Variants in ANKS6 observed in about 807,000 individuals in gnomAD.
The protein encoded by ANKS6 is ankyrin repeat and sterile alpha motif domain containing 6, also known as ankyrin repeat and SAM domain-containing protein 6.
Under a neutral mutation model 77.9 loss-of-function variants are expected in ANKS6, and 47 were observed. That is an observed-to-expected ratio of 0.60 (90% CI 0.48 to 0.77). ANKS6 has a LOEUF of 0.77. Among genes scored for constraint, ANKS6 ranks in the 30% least tolerant of loss-of-function variants. The probability of loss-of-function intolerance (pLI) is 0.00; values close to 1 mark genes in which losing one functional copy is unlikely to be tolerated. For synonymous variants in ANKS6, 488 were observed against 501.7 expected, an observed-to-expected ratio of 0.97 and a Z score of 0.37; for missense variants, 1,150 against 1,159.1, an observed-to-expected ratio of 0.99 and a Z score of 0.11.
chr9:98,742,450 A>C (rs1187119405), intron 14 of ANKS6, among the ~76,000 whole-genome samples: 2 of 152,158 alleles, frequency 1.3e-5, no homozygotes, highest in African/African-American at 4.8e-5. Context: ...CAGAAGTTAA[A>C]TTTGCTTTTG....
intron 12 of ANKS6, 60 bp downstream of exon 12, chr9:98,756,360 T>C: frequency 1.3e-6 from 2 of 1,563,304 alleles, no homozygotes; most frequent in African/African-American, 2.7e-5. Flanking sequence ...TGCAGTTCCT[T>C]GCTGCCAGGT....
In ANKS6 at chr9:98,741,551, C is replaced by T. The variant is rs1026018852; in HGVS notation, c.2511+4008G>A. Among the ~76,000 whole-genome samples, 26 of 152,224 alleles carry T rather than the reference C, an allele frequency of 1.7e-4. 1 individual carries two copies. The highest frequency in any genetic ancestry group is 5.9e-5 in the Non-Finnish European group (4 of 68,034). On this transcript the variant is annotated intron_variant, in intron 14 of 14. Coordinates refer to ENST00000353234, the MANE Select transcript of ANKS6 (RefSeq NM_173551.5). ...AAAAATTCTTTTCACCATTTTGGTA[C>T]TGTGTAAATTTAATAAAATCAATAT...
intron 13 of ANKS6, among the ~76,000 whole-genome samples, chr9:98,748,723 A>C (rs1489976061): frequency 6.6e-6 from 1 of 152,196 alleles, no homozygotes. Context: ...ACTCATCTCC[A>C]AACTTTTTGT....
rs113644258 is a variant in ANKS6, at chr9:98,771,407, G to A, written c.1822-361C>T. Among the ~76,000 whole-genome samples, 9 of 152,258 alleles carry A rather than the reference G, an allele frequency of 5.9e-5. No homozygotes were observed. The East Asian group carries it at 7.7e-4, about 13-fold the overall frequency. On this transcript the variant is annotated intron_variant, in intron 9 of 14. Coordinates refer to ENST00000353234, the MANE Select transcript of ANKS6 (RefSeq NM_173551.5). ...AAAATCCAGCCCCCTCAGCACCGCC[G>A]GGCACAGTGACCAGCACCCCAGCTC...
chr9:98,768,828 G>C (rs541946653), intron 10 of ANKS6, among the ~76,000 whole-genome samples: 1 of 152,198 alleles, frequency 6.6e-6, no homozygotes, highest in East Asian at 1.9e-4. Context: ...TGGTAACCTT[G>C]AACTATTATA....
intron 2 of ANKS6, among the ~76,000 whole-genome samples, chr9:98,788,680 T>C (rs995960030): frequency 1.3e-5 from 2 of 152,210 alleles, no homozygotes; most frequent in African/African-American, 2.4e-5. Flanking sequence ...ATTGTGTCCA[T>C]TTCACAGATG....
rs769081349 is a variant in ANKS6, at chr9:98,774,110, G to A, written c.1618-30C>T. On this transcript the variant is annotated intron_variant, in intron 8 of 14. Transcript: ENST00000353234. ...AAAAGACAGGCTGAGGGTTAGACAA[G>A]CCCCCAGGAGGGCTCCCAACTCTGC... 8 of 1,408,900 alleles carry A rather than the reference G, an allele frequency of 5.7e-6. No homozygotes were observed. In the East Asian group the frequency reaches 2.1e-4, roughly 38 times the overall value. The allele number at this position is 1,408,900 out of a possible 1,614,324, so 87.3% of individuals were successfully genotyped here.
chr9:98,765,299 C>T (rs1833212418), intron 11 of ANKS6, among the ~76,000 whole-genome samples: 1 of 152,198 alleles, frequency 6.6e-6, no homozygotes, highest in African/African-American at 2.4e-5. Flanking sequence ...ATTTGGGATT[C>T]TGTGAAATAT....
rs1033362920 is a variant in ANKS6 at position 98,796,390 on chromosome 9, C to T, written c.102G>A (p.Ala34=). The T allele has an allele frequency of 5.0e-6, 5 of 1,002,616 alleles. No homozygotes were observed. Among genetic ancestry groups the T allele is most frequent in the East Asian group, 1.0e-4 (1 of 9,620 alleles). 62.1% of individuals were successfully genotyped at this position (1,002,616 alleles called of 1,614,324 possible). ...TARRLLEPGA[A]EPAERGAEPE... ...GCTCCGCGCCGCGCTCGGCTGGCTC[C>T]GCCGCCCCCGGCTCCAGCAGCCGCC... Residue 34 remains alanine (A), a synonymous_variant, in exon 1 of 15, where the codon GCG becomes GCA. Coordinates refer to ENST00000353234, the MANE Select transcript of ANKS6 (RefSeq NM_173551.5).
rs1052820893 is a variant in ANKS6, at chr9:98,733,722, T to C, written c.*2797A>G. 1 of 985,496 alleles carries C rather than the reference T, an allele frequency of 1.0e-6. No individual in the cohort carries two copies. The highest frequency in any genetic ancestry group is 1.2e-6 in the Non-Finnish European group (1 of 829,968). The allele number at this position is 985,496 out of a possible 1,614,324, so 61.0% of individuals were successfully genotyped here. On this transcript the variant is annotated 3_prime_UTR_variant, in exon 15 of 15. Coordinates refer to ENST00000353234, the MANE Select transcript of ANKS6 (RefSeq NM_173551.5). ...TGAAGAGGCCTGACCCATGCTGGCATGCTGAAGGTTGTGAGAGGCCTGTAG... is the reference window on the plus strand; with the variant it reads ...TGAAGAGGCCTGACCCATGCTGGCACGCTGAAGGTTGTGAGAGGCCTGTAG...
chr9:98,785,893 C>G (rs985839204), intron 2 of ANKS6, among the ~76,000 whole-genome samples: 7 of 152,184 alleles, frequency 4.6e-5, no homozygotes, highest in South Asian at 4.1e-4. Flanking sequence ...TAGCATCCCT[C>G]TCACCTGGCT....
intron 14 of ANKS6, among the ~76,000 whole-genome samples, chr9:98,740,037 T>A (rs1459714337): frequency 1.3e-5 from 2 of 152,114 alleles, no homozygotes; most frequent in Admixed American, 1.3e-4. Flanking sequence ...AACATATTTT[T>A]AAAAATTAAT....
intron 2 of ANKS6, among the ~76,000 whole-genome samples, chr9:98,787,384 T>C (rs1479689573): frequency 1.3e-5 from 2 of 151,860 alleles, no homozygotes; most frequent in Non-Finnish European, 2.9e-5. Flanking sequence ...TTTTTTTTTT[T>C]TTTTAACCCT....
intron 7 of ANKS6, 63 bp from the exon 8 acceptor site, chr9:98,777,517 T>C (rs138304612): frequency 6.5e-7 from 1 of 1,529,228 alleles, no homozygotes; most frequent in African/African-American, 1.4e-5. Flanking sequence ...TAAGGATGAG[T>C]GACTGGGGCA....
intron 9 of ANKS6, among the ~76,000 whole-genome samples, chr9:98,771,279 G>A (rs1833613054): frequency 6.6e-6 from 1 of 152,246 alleles, no homozygotes; most frequent in African/African-American, 2.4e-5. Flanking sequence ...CATTTCCCAT[G>A]GGCCACCTTG....
intron 8 of ANKS6, among the ~76,000 whole-genome samples, chr9:98,775,834 T>C (rs897781683): frequency 1.3e-5 from 2 of 152,226 alleles, no homozygotes; most frequent in African/African-American, 4.8e-5. Context: ...TAATTATTGC[T>C]ATTTAATAAC....
rs1449605971 is a variant in ANKS6, at chr9:98,737,617, A to C, written c.2512-994T>G. 2.6e-5 allele frequency among the ~76,000 whole-genome samples: 4 copies of C among 152,236 alleles called. No homozygotes were observed. The East Asian group carries it at 7.7e-4, about 29-fold the overall frequency. On this transcript the variant is annotated intron_variant, in intron 14 of 14. Coordinates refer to ENST00000353234, the MANE Select transcript of ANKS6 (RefSeq NM_173551.5). ...ACAAGTGGAAACACATCCCATGCTC[A>C]TGGATGGAGAGAATCAATATTGTGA...
rs1834162301 is a variant in ANKS6 at position 98,780,229 on chromosome 9, C to G, written c.1328G>C (p.Trp443Ser). 1.2e-6 allele frequency: 2 copies of G among 1,614,014 alleles called. No individual in the cohort carries two copies. The highest frequency in any genetic ancestry group is 2.7e-5 in the African/African-American group (2 of 74,946). Residue 443 changes from tryptophan (W) to serine (S), a missense_variant, in exon 6 of 15, where the codon TGG becomes TCG. Coordinates refer to ENST00000353234, the MANE Select transcript of ANKS6 (RefSeq NM_173551.5). ...PLPHSKVRQP[W>S]SIPVLPDDKG... ...GTCATCGGGCAGCACTGGGATGCTC[C>G]AGGGCTGTCGGACCTTCGAGTGGGG...
At chr9:98,788,543 C>T (rs1399012920) in intron 2 of ANKS6, among the ~76,000 whole-genome samples, 1 of 152,196 alleles carries the variant, frequency 6.6e-6, no homozygotes, top group Non-Finnish European at 1.5e-5. Context: ...AAACCCTGTC[C>T]TAGGAGACTG....
Sources: allele counts gnomAD v4.1 joint callset (sites outside exome capture counted in the v4.1 genomes callset), GRCh38; gene constraint gnomAD v4.1.1; transcripts MANE v1.5; gene names NCBI Gene and HGNC (gene_info 2026-07-23, HGNC 2026-07-21).